The following AOX1 variants were observed in gnomAD, a reference collection of about 807,000 sequenced individuals.
AOX1 encodes the protein aldehyde oxidase 1.
A neutral mutation model predicts 169.5 loss-of-function variants in AOX1; 153 were observed. That is an observed-to-expected ratio of 0.90 (90% CI 0.79 to 1.03). The LOEUF is 1.03. AOX1 is among the 50% of genes least tolerant of loss of function. The probability of loss-of-function intolerance (pLI) is 0.00; values close to 1 mark genes in which losing one functional copy is unlikely to be tolerated. For missense variants in AOX1, 1,656 were observed against 1,663.9 expected (o/e 1.00, Z 0.08); for synonymous variants, 562 against 581.9 (o/e 0.97, Z 0.49).
chr2:200,658,396 G>A (rs2035737468), intron 27 of AOX1, among the ~76,000 whole-genome samples: 1 of 152,134 alleles, frequency 6.6e-6, no homozygotes, highest in African/African-American at 2.4e-5. Context: ...CCCATTGGAG[G>A]GTAAGATTTC....
intron 14 of AOX1, among the ~76,000 whole-genome samples, chr2:200,612,998 G>C (rs1207479457): frequency 8.8e-6 from 1 of 114,088 alleles, no homozygotes; most frequent in Non-Finnish European, 1.8e-5. Flanking sequence ...TATATACTCT[G>C]TGTGCGTGTG....
chr2:200,597,458 A>G lies in AOX1; in HGVS notation c.262A>G (p.Thr88Ala). Reference protein sequence around the residue: ...ICSLYGAAVTTVEGIGSTHTR... With the variant: ...ICSLYGAAVTAVEGIGSTHTR... ...TTCTCTGTATGGTGCTGCCGTCACCACAGTAGAAGGCATAGGAAGCACCCA... is the reference window on the plus strand; with the variant it reads ...TTCTCTGTATGGTGCTGCCGTCACCGCAGTAGAAGGCATAGGAAGCACCCA... The change falls in exon 4 of 35, where the codon ACA (threonine) becomes GCA (alanine). Residue 88 changes from threonine to alanine, a missense_variant. Transcript: ENST00000374700. 1 of 1,612,726 alleles carries G rather than the reference A, an allele frequency of 6.2e-7. No homozygotes were observed. Among genetic ancestry groups the G allele is most frequent in the South Asian group, 1.1e-5 (1 of 90,656 alleles).
At chr2:200,590,287 G>C (rs538136681) in intron 1 of AOX1, among the ~76,000 whole-genome samples, 1 of 152,220 alleles carries the variant, frequency 6.6e-6, no homozygotes, top group Non-Finnish European at 1.5e-5. Context: ...GCATGAACTT[G>C]GACTCTCCCA....
Position 200,611,469 on chromosome 2 carries a change from A to C in AOX1, c.1239A>C (p.Ser413=), listed in dbSNP as rs145418309. 5.0e-6 allele frequency: 8 copies of C among 1,612,706 alleles called. No homozygotes were observed. The South Asian group carries it at 8.8e-5, about 18-fold the overall frequency. ...ADLKPQEILV[S]VNIPYSRKWE... Reference sequence around the variant, plus strand: ...TTAAGCCTCAAGAAATCTTGGTCTCAGTGAACATCCCCTACTCAAGGAAGG... The same window carrying C: ...TTAAGCCTCAAGAAATCTTGGTCTCCGTGAACATCCCCTACTCAAGGAAGG... Residue 413 remains serine (S), a synonymous_variant, in exon 13 of 35, where the codon TCA becomes TCC. Coordinates refer to ENST00000374700, the MANE Select transcript of AOX1 (RefSeq NM_001159.4).
At chr2:200,667,872 G>A (rs895018398) in intron 32 of AOX1, among the ~76,000 whole-genome samples, 4 of 152,138 alleles carry the variant, frequency 2.6e-5, no homozygotes, top group African/African-American at 4.8e-5. Flanking sequence ...TTGTGGGCAA[G>A]GAGGTGGGAT....
chr2:200,663,570 A>ACTCTCTCT (rs1231363640), intron 31 of AOX1, among the ~76,000 whole-genome samples: 1 of 123,642 alleles, frequency 8.1e-6, no homozygotes, highest in Non-Finnish European at 1.7e-5. Context: ...ACACACACAC[A>ACTCTCTCT]CACTCTCTCT....
chr2:200,611,721 T>C (rs76646725), intron 13 of AOX1, among the ~76,000 whole-genome samples: 1 of 151,792 alleles, frequency 6.6e-6, no homozygotes, highest in African/African-American at 2.4e-5. Flanking sequence ...TTTTTTTTTT[T>C]TGAGATCGAG....
chr2:200,666,576 G>A, intron 31 of AOX1, 111 bp from the exon 32 acceptor site: 1 of 543,626 alleles, frequency 1.8e-6, no homozygotes, highest in Non-Finnish European at 3.0e-6. Context: ...AAATGACATG[G>A]CTGAAAGAAA....
rs181857419 is a variant in AOX1, at chr2:200,603,889, G to A, written c.589-128G>A. 6.9e-5 allele frequency: 45 copies of A among 652,170 alleles called. No individual in the cohort carries two copies. In the Admixed American group the frequency reaches 8.5e-4, roughly 12 times the overall value. The allele number at this position is 652,170 out of a possible 1,614,324, so 40.4% of individuals were successfully genotyped here. On this transcript the variant is annotated intron_variant, in intron 7 of 34. Transcript: ENST00000374700. ...GCCCTTGGTTTGGAGCGCGGGGATT[G>A]TGGCTGGCCAGTGGACTTTTTTGTC...
At chr2:200,624,959 G>A (rs1218809117) in intron 19 of AOX1, among the ~76,000 whole-genome samples, 1 of 152,148 alleles carries the variant, frequency 6.6e-6, no homozygotes, top group Non-Finnish European at 1.5e-5. Context: ...GCAGAATTGA[G>A]GAAACAACCT....
chr2:200,666,488 G>A (rs1180245848), intron 31 of AOX1, among the ~76,000 whole-genome samples, 199 bp from the exon 32 acceptor site: 1 of 152,130 alleles, frequency 6.6e-6, no homozygotes, highest in African/African-American at 2.4e-5. Context: ...GCTTCAGCTG[G>A]CTAAGAGTAT....
At chr2:200,681,318 T>TA (rs1232157672), downstream of AOX1, 2 of 152,648 alleles carry the variant, frequency 1.3e-5, no homozygotes, top group Non-Finnish European at 2.9e-5. Context: ...GAGAGACTCT[T>TA]ACCTCTAAAC....
chr2:200,612,111 T>A (rs2034653138), intron 13 of AOX1, among the ~76,000 whole-genome samples: 1 of 152,060 alleles, frequency 6.6e-6, no homozygotes, highest in Non-Finnish European at 1.5e-5. Context: ...ACATGAAGAG[T>A]ATGCCTCTAC....
In AOX1 at chr2:200,676,614, A is replaced by AAG. The variant is rs1285776348; in HGVS notation, c.487-263_487-262insGA. 5.6e-3 allele frequency among the ~76,000 whole-genome samples: 836 copies of AAG among 148,360 alleles called. 2 individuals carry two copies. Among genetic ancestry groups the AAG allele is most frequent in the Non-Finnish European group, 9.9e-3 (662 of 67,146 alleles). On this transcript the variant is annotated intron_variant, in intron 4 of 4. Transcript: ENST00000439380. Reference sequence around the variant, plus strand: ...GACTACATCTCAAAAAAAAAAAAAAAAAGAAGAAGAAGAAGAAGAAGAAGA... The same window carrying AAG: ...GACTACATCTCAAAAAAAAAAAAAAAAGAAGAAGAAGAAGAAGAAGAAGAAGA...
intron 25 of AOX1, among the ~76,000 whole-genome samples, chr2:200,645,634 C>G (rs1274721282): frequency 6.6e-6 from 1 of 152,066 alleles, no homozygotes; most frequent in East Asian, 1.9e-4. Context: ...GGAATAGTAT[C>G]AAAAGGATTG....
intron 14 of AOX1, 26 bp downstream of exon 14, chr2:200,612,819 T>G (rs758672749): frequency 6.3e-7 from 1 of 1,593,358 alleles, no homozygotes; most frequent in South Asian, 1.1e-5. Context: ...TAAGGGCTCC[T>G]CTAATACTTG....
intron 14 of AOX1, 124 bp downstream of exon 14, chr2:200,612,917 G>T (rs769144744): frequency 6.9e-6 from 5 of 722,086 alleles, no homozygotes; most frequent in East Asian, 2.8e-5. Flanking sequence ...CTATTTAATG[G>T]CTGGGAATTC....
chr2:200,600,207 A>G (rs569359696), intron 5 of AOX1, among the ~76,000 whole-genome samples: 1 of 152,272 alleles, frequency 6.6e-6, no homozygotes, highest in East Asian at 1.9e-4. Flanking sequence ...GTATTTCTGA[A>G]GTCTCTTTTG....
intron 16 of AOX1, among the ~76,000 whole-genome samples, chr2:200,618,393 T>C (rs10931909): frequency 0.16 from 24,308 of 152,152 alleles, 2,243 homozygotes; most frequent in Non-Finnish European, 0.21. Context: ...AAATTTTATA[T>C]AAAATAGGAA....
Sources: gnomAD v4.1 joint callset for allele counts (sites outside exome capture counted in the v4.1 genomes callset) on GRCh38, gnomAD v4.1.1 for gene constraint, MANE v1.5 for transcripts, NCBI Gene and HGNC (gene_info 2026-07-23, HGNC 2026-07-21) for gene names.